The following EYS variants were observed in gnomAD, a reference collection of about 807,000 sequenced individuals.
EYS encodes EGF-like photoreceptor maintenance factor.
In EYS, 250 loss-of-function variants were observed where a neutral mutation model predicts 282.1. The observed-to-expected ratio is 0.89, with a 90% CI of 0.80 to 0.98. The LOEUF is 0.98. Ranked by LOEUF, EYS falls within the 50% of genes least tolerant of loss-of-function variation. The probability of loss-of-function intolerance (pLI) is 0.00; values close to 1 mark genes in which losing one functional copy is unlikely to be tolerated. For synonymous variants in EYS, 1,355 were observed against 1,282.9 expected (o/e 1.06, Z -1.20); for missense variants, 4,016 against 3,709.0 (o/e 1.08, Z -2.15).
intron 13 of EYS, among the ~76,000 whole-genome samples, chr6:65,026,936 A>G (rs932311061): frequency 6.6e-6 from 1 of 151,082 alleles, no homozygotes; most frequent in African/African-American, 2.4e-5. Context: ...AAAAAGATTC[A>G]GATATCTCTG....
At chr6:65,615,386 TTATA>T (rs3049825) in intron 2 of EYS, among the ~76,000 whole-genome samples, 20 of 146,226 alleles carry the variant, frequency 1.4e-4, no homozygotes, top group Admixed American at 2.8e-4. Context: ...TTTTATTTAT[TTATA>T]TATATATATA....
At chr6:65,074,775 A>C (rs1773997620) in intron 12 of EYS, among the ~76,000 whole-genome samples, 1 of 151,982 alleles carries the variant, frequency 6.6e-6, no homozygotes, top group Non-Finnish European at 1.5e-5. Flanking sequence ...AACATAATTG[A>C]CTGCTGAGAC....
At chr6:64,307,142 T>C in intron 29 of EYS, 60 bp from the exon 30 acceptor site, 1 of 903,610 alleles carries the variant, frequency 1.1e-6, no homozygotes, top group South Asian at 1.5e-5. Flanking sequence ...TTGAATATAT[T>C]ATTCTTGCTT....
chr6:65,299,779 A>G (rs573728713), intron 11 of EYS, among the ~76,000 whole-genome samples: 90 of 152,266 alleles, frequency 5.9e-4, no homozygotes, highest in African/African-American at 2.1e-3. Context: ...AAAATATTTT[A>G]CATTTATTAC....
chr6:64,043,262 T>C (rs1770471528), intron 33 of EYS, among the ~76,000 whole-genome samples: 1 of 152,196 alleles, frequency 6.6e-6, no homozygotes. Context: ...GGCAGGAGTA[T>C]AATTGGTACA....
intron 35 of EYS, among the ~76,000 whole-genome samples, chr6:63,897,790 G>A (rs1397728613): frequency 6.6e-6 from 1 of 152,182 alleles, no homozygotes; most frequent in Non-Finnish European, 1.5e-5. Flanking sequence ...AAACTTTGGA[G>A]TAGAGTTTAT....
chr6:63,766,745 T>C (rs1769798640), intron 40 of EYS, among the ~76,000 whole-genome samples: 1 of 152,074 alleles, frequency 6.6e-6, no homozygotes, highest in Admixed American at 6.6e-5. Flanking sequence ...AGTCTGCTAA[T>C]GAGCGAGGAA....
chr6:65,563,986 T>C lies in EYS; in HGVS notation c.-332-67993A>G, dbSNP rs533483452. Among the ~76,000 whole-genome samples the C allele has an allele frequency of 9.9e-5, 15 of 151,456 alleles. No individual in the cohort carries two copies. In the South Asian group the frequency reaches 2.9e-3, roughly 29 times the overall value. ...CACAAACAATCTTATACACCAATAA[T>C]AGAGAGCCAAATCATGAGTGAACTC... On this transcript the variant is annotated intron_variant, in intron 2 of 42. Coordinates refer to ENST00000503581, the MANE Select transcript of EYS (RefSeq NM_001142800.2).
At chr6:63,966,837 C>T (rs1401731647) in intron 35 of EYS, among the ~76,000 whole-genome samples, 1 of 152,130 alleles carries the variant, frequency 6.6e-6, no homozygotes. Flanking sequence ...TTATTACCTT[C>T]CCCCTGCAAG....
At chr6:65,477,766 T>A (rs1397737773) in intron 5 of EYS, among the ~76,000 whole-genome samples, 1 of 152,136 alleles carries the variant, frequency 6.6e-6, no homozygotes, top group Admixed American at 6.5e-5. Context: ...TTGTAGCAAA[T>A]CATACATTTC....
chr6:65,677,105 GAAAAAAAAA>G (rs58880200), intron 1 of EYS, among the ~76,000 whole-genome samples: 3 of 107,672 alleles, frequency 2.8e-5, no homozygotes, highest in Non-Finnish European at 3.8e-5. Context: ...AGTCATTGGT[GAAAAAAAAA>G]AAAAAAAAAA....
intron 26 of EYS, among the ~76,000 whole-genome samples, chr6:64,495,147 C>T (rs1328369560): frequency 6.6e-6 from 1 of 151,508 alleles, no homozygotes; most frequent in Non-Finnish European, 1.5e-5. Flanking sequence ...AACAGATTGC[C>T]CTACTCACCC....
chr6:65,214,711 A>G (rs549208486), intron 12 of EYS, among the ~76,000 whole-genome samples: 1 of 152,366 alleles, frequency 6.6e-6, no homozygotes, highest in South Asian at 2.1e-4. Context: ...ACAGCTATGG[A>G]GGAGACATCA....
intron 33 of EYS, 138 bp downstream of exon 33, chr6:64,066,200 C>T (rs867105704): frequency 4.5e-6 from 3 of 660,568 alleles, no homozygotes; most frequent in Middle Eastern, 4.1e-4. Context: ...ATCGCTTGAA[C>T]CCGGGAGGCG....
At chr6:64,529,083 C>T (rs1334866625) in intron 26 of EYS, among the ~76,000 whole-genome samples, 1 of 151,924 alleles carries the variant, frequency 6.6e-6, no homozygotes, top group Non-Finnish European at 1.5e-5. Context: ...TACACAGAAC[C>T]AGTGTTCCCT....
intron 28 of EYS, among the ~76,000 whole-genome samples, chr6:64,391,814 A>G (rs1773159724): frequency 6.6e-6 from 1 of 152,244 alleles, no homozygotes; most frequent in Non-Finnish European, 1.5e-5. Flanking sequence ...TGCTCCAATT[A>G]AAAGACAAAG....
At chr6:65,039,775 A>T (rs1020163107) in intron 13 of EYS, among the ~76,000 whole-genome samples, 7 of 151,672 alleles carry the variant, frequency 4.6e-5, no homozygotes, top group Admixed American at 4.0e-4. Context: ...ATGGAGGAAG[A>T]CTTTTGGTAT....
intron 22 of EYS, among the ~76,000 whole-genome samples, chr6:64,635,213 G>A (rs1357718557): frequency 6.6e-6 from 1 of 152,170 alleles, no homozygotes; most frequent in East Asian, 1.9e-4. Flanking sequence ...TCAGCTTGAG[G>A]AGATTTTGGG....
intron 1 of EYS, among the ~76,000 whole-genome samples, chr6:65,679,119 A>G (rs924014381): frequency 6.6e-6 from 1 of 151,960 alleles, no homozygotes; most frequent in African/African-American, 2.4e-5. Flanking sequence ...AATTAAAAAT[A>G]GAACTACTAT....
Sources: gnomAD v4.1 joint callset for allele counts (sites outside exome capture counted in the v4.1 genomes callset) on GRCh38, gnomAD v4.1.1 for gene constraint, MANE v1.5 for transcripts, NCBI Gene and HGNC (gene_info 2026-07-23, HGNC 2026-07-21) for gene names.